The following FHIT variants were observed in gnomAD, a reference collection of about 807,000 sequenced individuals.
The protein encoded by FHIT is fragile histidine triad diadenosine triphosphatase.
FHIT carries 19 observed loss-of-function variants against 17.9 expected under a neutral mutation model. That is an observed-to-expected ratio of 1.06 (90% CI 0.74 to 1.56). The LOEUF (loss-of-function observed/expected upper bound fraction) is 1.56. Among genes scored for constraint, FHIT ranks in the 40% most tolerant of loss-of-function variants. The pLI, the probability that FHIT is intolerant of heterozygous loss-of-function variation, is 0.00. For synonymous variants in FHIT, 81 were observed against 69.7 expected (o/e 1.16, Z -0.81); for missense variants, 248 against 189.2 (o/e 1.31, Z -1.82).
At chr3:60,578,075 T>C in intron 4 of FHIT, among the ~76,000 whole-genome samples, 1 of 152,192 alleles carries the variant, frequency 6.6e-6, no homozygotes, top group African/African-American at 2.4e-5. Flanking sequence ...CGAAATCTGT[T>C]TCTAAACCAC....
chr3:61,056,114 G>T (rs1440029533), intron 2 of FHIT, among the ~76,000 whole-genome samples: 1 of 152,094 alleles, frequency 6.6e-6, no homozygotes, highest in Non-Finnish European at 1.5e-5. Context: ...TTTCAGTGGG[G>T]ACAGTTTTTA....
intron 5 of FHIT, among the ~76,000 whole-genome samples, chr3:60,295,973 T>C (rs1443345967): frequency 6.6e-6 from 1 of 152,066 alleles, no homozygotes; most frequent in Non-Finnish European, 1.5e-5. Flanking sequence ...GTTTCCCTCA[T>C]ACTGTTCTTG....
chr3:59,876,831 A>G (rs752197264), intron 8 of FHIT, among the ~76,000 whole-genome samples: 2 of 152,108 alleles, frequency 1.3e-5, no homozygotes, highest in Non-Finnish European at 2.9e-5. Context: ...CATTTGTTCA[A>G]CTTCTTCTTG....
intron 5 of FHIT, among the ~76,000 whole-genome samples, chr3:60,220,307 C>G (rs1576327236): frequency 6.6e-6 from 1 of 151,994 alleles, no homozygotes; most frequent in East Asian, 1.9e-4. Context: ...GAATATATTT[C>G]CTATCTACCT....
chr3:59,984,035 T>C (rs950637333), intron 7 of FHIT, among the ~76,000 whole-genome samples: 4 of 152,134 alleles, frequency 2.6e-5, no homozygotes, highest in Admixed American at 1.3e-4. Context: ...TACTTAACTT[T>C]CCTGTGAATA....
chr3:61,086,988 C>T (rs76330101), intron 2 of FHIT, among the ~76,000 whole-genome samples: 15,839 of 152,102 alleles, frequency 0.1, 944 homozygotes, highest in South Asian at 0.19. Context: ...TTCTTCTAAT[C>T]CCATTGGGTT....
chr3:60,061,375 C>T (rs541500237), intron 5 of FHIT, among the ~76,000 whole-genome samples: 412 of 152,316 alleles, frequency 2.7e-3, no homozygotes, highest in Non-Finnish European at 4.7e-3. Flanking sequence ...CCTACAGTTT[C>T]CTCTCTGGTT....
intron 5 of FHIT, among the ~76,000 whole-genome samples, chr3:60,476,356 A>C (rs1231719925): frequency 6.6e-6 from 1 of 152,196 alleles, no homozygotes; most frequent in Non-Finnish European, 1.5e-5. Flanking sequence ...GGTACAGGCC[A>C]CAGGGGGAAT....
At chr3:60,928,367 T>TAAAAAAA (rs34316880) in intron 3 of FHIT, among the ~76,000 whole-genome samples, 1 of 131,624 alleles carries the variant, frequency 7.6e-6, no homozygotes, top group Non-Finnish European at 1.6e-5. Context: ...GAAAGAACTT[T>TAAAAAAA]AAAAAAAAAA....
chr3:60,882,174 C>T (rs115330752), intron 3 of FHIT, among the ~76,000 whole-genome samples: 1,634 of 152,076 alleles, frequency 0.011, 32 homozygotes, highest in African/African-American at 0.038. Context: ...AAGATTGAAC[C>T]TAGAAGAAAT....
intron 7 of FHIT, among the ~76,000 whole-genome samples, chr3:59,987,197 C>T (rs1049224914): frequency 7.1e-6 from 1 of 141,660 alleles, no homozygotes; most frequent in African/African-American, 2.6e-5. Context: ...TATAGGAAAT[C>T]CTATATATAT....
At position 59,877,677 on chromosome 3, in the gene FHIT, GA is replaced by G. The variant is rs553552957; in HGVS notation, c.348+44668del. 3.3e-4 allele frequency among the ~76,000 whole-genome samples: 50 copies of G among 152,316 alleles called. No individual in the cohort carries two copies. In the South Asian group the frequency reaches 9.3e-3, roughly 28 times the overall value. ...AAAAAGTAAAAAGATGAAGATTTTA[GA>G]GGGATTCAGATAATACTGGCTATAA... On this transcript the variant is annotated intron_variant, in intron 8 of 9. Transcript: ENST00000492590.
In FHIT at chr3:59,843,260, A is replaced by G. The variant is rs549045240; in HGVS notation, c.348+79086T>C. 1.2e-4 allele frequency among the ~76,000 whole-genome samples: 19 copies of G among 152,288 alleles called. No individual in the cohort carries two copies. In the South Asian group the frequency reaches 3.9e-3, roughly 32 times the overall value. On this transcript the variant is annotated intron_variant, in intron 8 of 9. Coordinates refer to ENST00000492590, the MANE Select transcript of FHIT (RefSeq NM_002012.4). ...TTACTTTTGGACTCCTCTATCCTCT[A>G]TTCTATTCCATTGATGTATAAATCT... is the stretch of plus-strand genomic sequence containing the variant.
chr3:61,174,993 T>C (rs974136199), intron 2 of FHIT, among the ~76,000 whole-genome samples: 2 of 145,488 alleles, frequency 1.4e-5, no homozygotes, highest in African/African-American at 2.5e-5. Flanking sequence ...TATGTTTGCA[T>C]TTCCTCATCT....
Position 60,262,790 on chromosome 3 carries a change from A to T in FHIT, c.104-248638T>A, listed in dbSNP as rs191231134. ...AATCTCTTACCTAAAGAGTTAACCA[A>T]ATAAACTCTTTATGTGGTTAGGTAC... is the stretch of plus-strand genomic sequence containing the variant. On this transcript the variant is annotated intron_variant, in intron 5 of 9. Transcript: ENST00000492590. Among the ~76,000 whole-genome samples the T allele has an allele frequency of 1.9e-3, 291 of 152,066 alleles. 3 individuals are homozygous for T. The highest frequency in any genetic ancestry group is 4.1e-3 in the Admixed American group (62 of 15,234).
chr3:61,046,759 C>T (rs1308804049), intron 2 of FHIT, among the ~76,000 whole-genome samples: 1 of 152,176 alleles, frequency 6.6e-6, no homozygotes, highest in African/African-American at 2.4e-5. Flanking sequence ...TACTGGCAAA[C>T]TGAATCCAGC....
At chr3:60,439,252 T>C (rs1015520292) in intron 5 of FHIT, among the ~76,000 whole-genome samples, 7 of 152,136 alleles carry the variant, frequency 4.6e-5, no homozygotes, top group Non-Finnish European at 7.4e-5. Context: ...TAAGGAGGTC[T>C]AGAACCAAGA....
At chr3:60,816,753 T>C (rs1701754306) in intron 4 of FHIT, among the ~76,000 whole-genome samples, 1 of 151,946 alleles carries the variant, frequency 6.6e-6, no homozygotes, top group Admixed American at 6.6e-5. Flanking sequence ...CAGAATGAGT[T>C]TGGGAGGAGT....
At chr3:60,091,721 A>G (rs1452649884) in intron 5 of FHIT, among the ~76,000 whole-genome samples, 1 of 152,012 alleles carries the variant, frequency 6.6e-6, no homozygotes, top group Non-Finnish European at 1.5e-5. Flanking sequence ...TTACCATGAG[A>G]TCTGGCTGTT....
Sources: gnomAD v4.1 joint callset for allele counts (sites outside exome capture counted in the v4.1 genomes callset) on GRCh38, gnomAD v4.1.1 for gene constraint, MANE v1.5 for transcripts, NCBI Gene and HGNC (gene_info 2026-07-23, HGNC 2026-07-21) for gene names.